The following SORCS2 variants were observed in gnomAD, a reference collection of about 807,000 sequenced individuals.
The protein encoded by SORCS2 is sortilin related VPS10 domain containing receptor 2.
A neutral mutation model predicts 141.6 loss-of-function variants in SORCS2; 100 were observed. The observed-to-expected ratio is 0.71, with a 90% CI of 0.60 to 0.83. The LOEUF (loss-of-function observed/expected upper bound fraction) is 0.83. Ranked by LOEUF, SORCS2 falls within the 40% of genes least tolerant of loss-of-function variation. The pLI is 0.00. For missense variants in SORCS2, 1,646 were observed against 1,560.2 expected, an observed-to-expected ratio of 1.05 and a Z score of -0.93; for synonymous variants, 789 against 676.9, an observed-to-expected ratio of 1.17 and a Z score of -2.57.
intron 1 of SORCS2, among the ~76,000 whole-genome samples, chr4:7,287,907 A>G (rs1225095268): frequency 6.6e-6 from 1 of 152,218 alleles, no homozygotes; most frequent in African/African-American, 2.4e-5. Flanking sequence ...GAGAAAAAGC[A>G]TGTAAATCCT....
Position 7,403,988 on chromosome 4 carries a change from TATATA to T in SORCS2, c.548+7634_548+7638del, listed in dbSNP as rs1200249900. On this transcript the variant is annotated intron_variant, in intron 2 of 26. Coordinates refer to ENST00000507866, the MANE Select transcript of SORCS2 (RefSeq NM_020777.3). ...ATATATATATATATATATATATATA[TATATA>T]TATATTTTTTTTTTTTTTTTAGTAT... Among the ~76,000 whole-genome samples, 4 of 7,400 alleles carry T rather than the reference TATATA, an allele frequency of 5.4e-4. 1 individual carries two copies. The highest frequency in any genetic ancestry group is 2.9e-3 in the East Asian group (2 of 686). The allele number at this position is 7,400 out of a possible 152,430, so 4.9% of individuals were successfully genotyped here.
intron 2 of SORCS2, among the ~76,000 whole-genome samples, chr4:7,516,608 C>T (rs918699990): frequency 1.3e-5 from 2 of 151,168 alleles, no homozygotes; most frequent in African/African-American, 2.5e-5. Context: ...TGGTGGAATG[C>T]CCTGGCCTTT....
At chr4:7,600,180 C>G (rs1242265527) in intron 3 of SORCS2, among the ~76,000 whole-genome samples, 1 of 152,170 alleles carries the variant, frequency 6.6e-6, no homozygotes, top group East Asian at 1.9e-4. Context: ...AACCCTCTTT[C>G]TTTAGCTTCT....
At position 7,648,244 on chromosome 4, in the gene SORCS2, T is replaced by C. The variant is rs140007661; in HGVS notation, c.814-5890T>C. Among the ~76,000 whole-genome samples the C allele has an allele frequency of 1.8e-3, 274 of 151,672 alleles. 2 individuals are homozygous for C. Among genetic ancestry groups the C allele is most frequent in the Non-Finnish European group, 2.7e-3 (184 of 67,878 alleles). Reference sequence around the variant, plus strand: ...ACGGAGGCTGGAGGAGCAGGGCTGGTTGAGAAAGGAGCCAGCTTCTGCTGG... The same window carrying C: ...ACGGAGGCTGGAGGAGCAGGGCTGGCTGAGAAAGGAGCCAGCTTCTGCTGG... On this transcript the variant is annotated intron_variant, in intron 4 of 26. Transcript: ENST00000507866. The surrounding 1 kb of genome is among the most constrained non-coding windows in gnomAD (Gnocchi z 4.2).
At chr4:7,619,584 C>G (rs1010598592) in intron 3 of SORCS2, among the ~76,000 whole-genome samples, 14 of 152,146 alleles carry the variant, frequency 9.2e-5, no homozygotes, top group African/African-American at 3.4e-4. Context: ...AGCTTGGTGC[C>G]CAATGACTGT....
chr4:7,433,619 C>A (rs757650922), intron 2 of SORCS2: 3 of 1,611,302 alleles, frequency 1.9e-6, no homozygotes, highest in East Asian at 2.2e-5. Flanking sequence ...TTGAAGGCCA[C>A]CAGGATGTCT....
chr4:7,639,424 GTA>G (rs34430246), intron 4 of SORCS2, among the ~76,000 whole-genome samples: 66,879 of 151,508 alleles, frequency 0.44, 16,318 homozygotes, highest in East Asian at 0.91. Context: ...GTGTGTGTGT[GTA>G]TGCACACTTG....
chr4:7,700,872 C>A (rs953288524), intron 12 of SORCS2, among the ~76,000 whole-genome samples: 1 of 152,196 alleles, frequency 6.6e-6, no homozygotes, highest in Non-Finnish European at 1.5e-5. Flanking sequence ...CAGACAGAGT[C>A]CCCGTGGAAG....
intron 2 of SORCS2, among the ~76,000 whole-genome samples, chr4:7,524,631 G>T (rs1317511720): frequency 6.6e-6 from 1 of 151,252 alleles, no homozygotes; most frequent in African/African-American, 2.4e-5. Context: ...TTAGAGTTTA[G>T]AATAATGGCC....
intron 1 of SORCS2, among the ~76,000 whole-genome samples, chr4:7,254,748 C>T (rs4689670): frequency 0.35 from 52,533 of 151,932 alleles, 9,252 homozygotes; most frequent in East Asian, 0.4. Context: ...TGGGCTTGGG[C>T]CGGTGACTGG....
At position 7,615,148 on chromosome 4, in the gene SORCS2, CTCATTCAT is replaced by C. The variant is rs112636992; in HGVS notation, c.649-23163_649-23156del. On this transcript the variant is annotated intron_variant, in intron 3 of 26. Coordinates refer to ENST00000507866, the MANE Select transcript of SORCS2 (RefSeq NM_020777.3). Reference sequence around the variant, plus strand: ...TGTTCATCCATCTGCCATCCATTCACTCATTCATTCATTCATTCATTCATCCATCTGCC... The same window carrying C: ...TGTTCATCCATCTGCCATCCATTCACTCATTCATTCATTCATCCATCTGCC... 1.9e-3 allele frequency among the ~76,000 whole-genome samples: 286 copies of C among 152,326 alleles called. 4 individuals are homozygous for C. Among genetic ancestry groups the C allele is most frequent in the African/African-American group, 6.5e-3 (269 of 41,572 alleles).
intron 2 of SORCS2, among the ~76,000 whole-genome samples, chr4:7,528,145 G>A (rs1014464525): frequency 3.3e-5 from 5 of 151,718 alleles, no homozygotes; most frequent in African/African-American, 1.2e-4. Flanking sequence ...CCTCAGTGTA[G>A]TGATGGGACA....
chr4:7,504,155 C>G (rs942478211), intron 2 of SORCS2, among the ~76,000 whole-genome samples: 1 of 152,234 alleles, frequency 6.6e-6, no homozygotes, highest in Non-Finnish European at 1.5e-5. Flanking sequence ...CTCAGAAGCT[C>G]CTTGCTCAGG....
chr4:7,665,997 A>T (rs1457435059), intron 7 of SORCS2, among the ~76,000 whole-genome samples: 1 of 152,106 alleles, frequency 6.6e-6, no homozygotes, highest in Admixed American at 6.5e-5. Context: ...TGTGGGCTGC[A>T]GGAGGTGATT....
chr4:7,385,355 G>A (rs1043399226), intron 1 of SORCS2, among the ~76,000 whole-genome samples: 19 of 152,214 alleles, frequency 1.2e-4, no homozygotes, highest in Admixed American at 6.5e-5. Context: ...GTGCAATGGG[G>A]ATGCCCAGCA....
intron 3 of SORCS2, among the ~76,000 whole-genome samples, chr4:7,612,741 A>T (rs1039710111): frequency 5.9e-5 from 9 of 152,200 alleles, no homozygotes; most frequent in African/African-American, 1.4e-4. Context: ...ATTCCAATCC[A>T]TGCACACTCT....
rs535092366 is a variant in SORCS2, at chr4:7,193,685, C to A, written c.480+559C>A. On this transcript the variant is annotated intron_variant, in intron 1 of 26. Transcript: ENST00000507866. This position sits in a 1 kb window ranked among gnomAD's most constrained non-coding sequence, Gnocchi z 4.8. ...CCCCGGGGTACTCTAGTGCGACCCG[C>A]GGCTGTCTTGAGCTCTTGCTGCCGG... 1.3e-5 allele frequency among the ~76,000 whole-genome samples: 2 copies of A among 152,166 alleles called. No homozygotes were observed. Among genetic ancestry groups the A allele is most frequent in the African/African-American group, 4.8e-5 (2 of 41,452 alleles).
At chr4:7,728,262 G>A (rs1727357143) in intron 21 of SORCS2, 88 bp from the exon 22 acceptor site, 3 of 876,380 alleles carry the variant, frequency 3.4e-6, no homozygotes, top group Admixed American at 2.1e-5. Flanking sequence ...ACCATCCAGG[G>A]CATGTGGCTG....
chr4:7,708,796 T>A (rs1725641789), intron 14 of SORCS2, among the ~76,000 whole-genome samples: 1 of 152,164 alleles, frequency 6.6e-6, no homozygotes, highest in African/African-American at 2.4e-5. Flanking sequence ...TGCCAACACG[T>A]CTCAAAGAAT....
Sources: allele counts gnomAD v4.1 joint callset (sites outside exome capture counted in the v4.1 genomes callset), GRCh38; gene constraint gnomAD v4.1.1; non-coding constraint Gnocchi (gnomAD v3.1); transcripts MANE v1.5; gene names NCBI Gene and HGNC (gene_info 2026-07-23, HGNC 2026-07-21).